Variants in PDLIM5 observed in about 807,000 individuals in gnomAD.
The protein encoded by PDLIM5 is PDZ and LIM domain protein 5.
In PDLIM5, 34 loss-of-function variants were observed where a neutral mutation model predicts 64.2. That is an observed-to-expected ratio of 0.53 (90% confidence interval 0.40 to 0.71). PDLIM5 has a LOEUF of 0.71. PDLIM5 is among the 30% of genes least tolerant of loss of function. The pLI is 0.00. For missense variants in PDLIM5, 683 were observed against 733.6 expected (o/e 0.93, Z 0.80); for synonymous variants, 253 against 269.1 (o/e 0.94, Z 0.59).
At chr4:94,553,058 C>T (rs1346598757) in intron 3 of PDLIM5, among the ~76,000 whole-genome samples, 3 of 151,122 alleles carry the variant, frequency 2.0e-5, no homozygotes, top group Non-Finnish European at 4.4e-5. Flanking sequence ...CCAATGACTT[C>T]TCCTAGTATT....
Position 94,660,042 on chromosome 4 carries a change from C to T in PDLIM5, c.1586-2380C>T, listed in dbSNP as rs143540403. 5.0e-3 allele frequency among the ~76,000 whole-genome samples: 761 copies of T among 151,620 alleles called. 7 individuals are homozygous for T. The highest frequency in any genetic ancestry group is 0.017 in the African/African-American group (721 of 41,294). Reference sequence around the variant, plus strand: ...TCTCAAGTGGCTGGGATTACAGGCACCTGTCACCACTCCCGGCTAATATTT... The same window carrying T: ...TCTCAAGTGGCTGGGATTACAGGCATCTGTCACCACTCCCGGCTAATATTT... On this transcript the variant is annotated intron_variant, in intron 11 of 12. Transcript: ENST00000317968.
At chr4:94,586,716 A>G (rs909754561) in intron 7 of PDLIM5, among the ~76,000 whole-genome samples, 1 of 152,168 alleles carries the variant, frequency 6.6e-6, no homozygotes, top group Non-Finnish European at 1.5e-5. Context: ...CTAACAATAC[A>G]TATGTCTGTG....
At position 94,657,461 on chromosome 4, in the gene PDLIM5, T is replaced by A. The variant is rs1742297763; in HGVS notation, c.1499T>A (p.Val500Asp). 2 of 1,605,508 alleles carry A rather than the reference T, an allele frequency of 1.2e-6. No homozygotes were observed. The highest frequency in any genetic ancestry group is 2.7e-5 in the African/African-American group (2 of 74,768). Residue 500 changes from valine to aspartate, a missense_variant, in exon 11 of 13, where the codon GTT becomes GAT. Transcript: ENST00000317968. ...VISALKQTWHVSCFVCVACGK... is the reference protein window; with the variant it reads ...VISALKQTWHDSCFVCVACGK... Reference sequence around the variant, plus strand: ...AGTGCGTTGAAACAAACTTGGCATGTTTCCTGTTTTGTGTGTGTAGCCTGT... The same window carrying A: ...AGTGCGTTGAAACAAACTTGGCATGATTCCTGTTTTGTGTGTGTAGCCTGT...
At chr4:94,503,453 G>C (rs943700686) in intron 2 of PDLIM5, among the ~76,000 whole-genome samples, 3 of 152,290 alleles carry the variant, frequency 2.0e-5, no homozygotes, top group African/African-American at 7.2e-5. Flanking sequence ...AAATAATACT[G>C]TTTTAGAATA....
intron 2 of PDLIM5, among the ~76,000 whole-genome samples, chr4:94,470,260 G>A (rs138757812): frequency 0.012 from 1,804 of 152,108 alleles, 41 homozygotes; most frequent in African/African-American, 0.041. Context: ...CACTGTGCCT[G>A]GCCTAAATTT....
intron 2 of PDLIM5, among the ~76,000 whole-genome samples, chr4:94,467,407 C>T (rs1056081459): frequency 5.9e-5 from 9 of 151,852 alleles, no homozygotes; most frequent in South Asian, 2.1e-4. Context: ...CTCCGCCTCC[C>T]GGCTTCAAGC....
intron 3 of PDLIM5, among the ~76,000 whole-genome samples, chr4:94,564,394 C>A (rs1375262244): frequency 6.6e-6 from 1 of 152,196 alleles, no homozygotes; most frequent in Admixed American, 6.5e-5. Context: ...TTTCCTGGAA[C>A]CTTTCTAGCC....
chr4:94,553,416 C>A (rs895751276), intron 3 of PDLIM5, among the ~76,000 whole-genome samples: 17 of 152,124 alleles, frequency 1.1e-4, no homozygotes, highest in Non-Finnish European at 2.2e-4. Flanking sequence ...GCCAAATGAT[C>A]GGTTTTAGTT....
intron 3 of PDLIM5, among the ~76,000 whole-genome samples, chr4:94,569,297 TA>T (rs1288375680): frequency 1.3e-5 from 2 of 151,710 alleles, no homozygotes; most frequent in Admixed American, 6.6e-5. Flanking sequence ...AATGACTTGA[TA>T]AAGTCATTTT....
chr4:94,471,079 T>C (rs1452815257), intron 2 of PDLIM5, among the ~76,000 whole-genome samples: 1 of 152,102 alleles, frequency 6.6e-6, no homozygotes, highest in Non-Finnish European at 1.5e-5. Flanking sequence ...CCCGCCCCCA[T>C]CATTCAGTTA....
At chr4:94,514,996 A>G (rs945551230) in intron 2 of PDLIM5, among the ~76,000 whole-genome samples, 1 of 152,254 alleles carries the variant, frequency 6.6e-6, no homozygotes, top group Admixed American at 6.5e-5. Context: ...TCATCACTTT[A>G]TGTATAACAA....
intron 2 of PDLIM5, among the ~76,000 whole-genome samples, chr4:94,477,159 T>C (rs186947475): frequency 1.5e-3 from 230 of 152,232 alleles, no homozygotes; most frequent in African/African-American, 5.4e-3. Flanking sequence ...AAGGAAGTAT[T>C]GGTTTTAGAG....
rs190603408 is a variant in PDLIM5 at position 94,513,048 on chromosome 4, A to G, written c.97-10676A>G. 1.9e-3 allele frequency among the ~76,000 whole-genome samples: 296 copies of G among 152,196 alleles called. 2 individuals are homozygous for G. The highest frequency in any genetic ancestry group is 6.7e-3 in the African/African-American group (280 of 41,516). ...TGTTGAAAATGAGTTTCTTGCAGGT[A>G]TGTGGATTTGTTTCCGGATTCTCTA... On this transcript the variant is annotated intron_variant, in intron 2 of 12. Transcript: ENST00000317968.
chr4:94,621,013 G>A (rs1656092484), intron 8 of PDLIM5, among the ~76,000 whole-genome samples: 1 of 129,864 alleles, frequency 7.7e-6, no homozygotes, highest in South Asian at 2.5e-4. Context: ...GAAGGTTGCA[G>A]TGAGCCAAGA....
At chr4:94,558,731 C>CT (rs531256615) in intron 3 of PDLIM5, among the ~76,000 whole-genome samples, 13 of 145,970 alleles carry the variant, frequency 8.9e-5, no homozygotes, top group South Asian at 2.1e-4. Flanking sequence ...TTTCTTGTTG[C>CT]TTTTTTTTTT....
At chr4:94,533,440 C>T (rs1731065397) in intron 3 of PDLIM5, among the ~76,000 whole-genome samples, 1 of 152,046 alleles carries the variant, frequency 6.6e-6, no homozygotes, top group Admixed American at 6.6e-5. Context: ...TTGGATCACA[C>T]CTAAAATAGT....
intron 2 of PDLIM5, among the ~76,000 whole-genome samples, chr4:94,481,974 T>G (rs1443145454): frequency 6.6e-6 from 1 of 152,132 alleles, no homozygotes; most frequent in Non-Finnish European, 1.5e-5. Flanking sequence ...ATGCCTTGTC[T>G]GTGCTGGATT....
intron 7 of PDLIM5, among the ~76,000 whole-genome samples, chr4:94,596,241 A>G (rs1423038546): frequency 6.6e-6 from 1 of 152,188 alleles, no homozygotes; most frequent in South Asian, 2.1e-4. Flanking sequence ...GTTGTTGTTT[A>G]CCAAATTAAA....
chr4:94,621,851 A>G (rs1453102262), intron 8 of PDLIM5, among the ~76,000 whole-genome samples: 1 of 152,228 alleles, frequency 6.6e-6, no homozygotes, highest in Non-Finnish European at 1.5e-5. Context: ...GAGCAAAACT[A>G]CAATATAAAA....
Sources: gnomAD v4.1 joint callset for allele counts (sites outside exome capture counted in the v4.1 genomes callset) on GRCh38, gnomAD v4.1.1 for gene constraint, MANE v1.5 for transcripts, NCBI Gene and HGNC (gene_info 2026-07-23, HGNC 2026-07-21) for gene names.